The following RNF38 variants were observed in gnomAD, a reference collection of about 807,000 sequenced individuals.
The protein encoded by RNF38 is ring finger protein 38.
RNF38 carries 15 observed loss-of-function variants against 67.2 expected under a neutral mutation model. The ratio of observed to expected loss-of-function variants is 0.22; its 90% CI spans 0.15 to 0.34. RNF38 has a LOEUF of 0.34. RNF38 is among the 10% of genes least tolerant of loss of function. The probability of loss-of-function intolerance (pLI) is 1.00; values close to 1 mark genes in which losing one functional copy is unlikely to be tolerated. For synonymous variants in RNF38, 220 were observed against 218.8 expected, an observed-to-expected ratio of 1.01 and a Z score of -0.05; for missense variants, 524 against 639.9, an observed-to-expected ratio of 0.82 and a Z score of 1.95.
At chr9:36,380,869 G>A (rs1480701661) in intron 2 of RNF38, among the ~76,000 whole-genome samples, 1 of 152,162 alleles carries the variant, frequency 6.6e-6, no homozygotes, top group Non-Finnish European at 1.5e-5. Flanking sequence ...AGAAACTGAG[G>A]AAAACTGAAG....
At chr9:36,464,836 G>A (rs1025216059) in intron 1 of RNF38, among the ~76,000 whole-genome samples, 1 of 152,032 alleles carries the variant, frequency 6.6e-6, no homozygotes, top group African/African-American at 2.4e-5. Context: ...AATATATAAA[G>A]ATAACATAAA....
intron 1 of RNF38, among the ~76,000 whole-genome samples, chr9:36,437,336 A>AT (rs138980134): frequency 0.017 from 2,613 of 152,342 alleles, 23 homozygotes; most frequent in Non-Finnish European, 0.026. Context: ...GAGCCTAAAT[A>AT]TAAGTAAATC....
chr9:36,447,346 T>C (rs1021511295), intron 1 of RNF38, among the ~76,000 whole-genome samples: 4 of 152,162 alleles, frequency 2.6e-5, no homozygotes, highest in Non-Finnish European at 5.9e-5. Context: ...ATGACTTACA[T>C]GAATTGATTA....
At chr9:36,348,691 A>G (rs1381415745) in intron 9 of RNF38, among the ~76,000 whole-genome samples, 5 of 152,242 alleles carry the variant, frequency 3.3e-5, no homozygotes, top group Non-Finnish European at 7.3e-5. Context: ...CTGCAGAAGA[A>G]AAGTTGGAAG....
At chr9:36,484,723 T>G (rs1840361335) in intron 1 of RNF38, among the ~76,000 whole-genome samples, 1 of 152,200 alleles carries the variant, frequency 6.6e-6, no homozygotes, top group Admixed American at 6.5e-5. Flanking sequence ...TTTTTCATGT[T>G]TTCAGATTTT....
rs538721390 is a variant in RNF38, at chr9:36,399,959, AG to A, written c.12+137del. 3,076 of 764,592 alleles carry A rather than the reference AG, an allele frequency of 4.0e-3. 11 individuals carry two copies. Among genetic ancestry groups the A allele is most frequent in the Non-Finnish European group, 5.5e-3 (2,652 of 478,208 alleles). 47.4% of individuals were successfully genotyped at this position (764,592 alleles called of 1,614,324 possible). A position where few individuals can be genotyped will look rare whatever the true frequency, so the allele number is the denominator to read the frequency against. On this transcript the variant is annotated intron_variant, in intron 1 of 11. Coordinates refer to ENST00000259605, the MANE Select transcript of RNF38 (RefSeq NM_022781.5). ...TTTCATACGTTAAGTCCACCGCTTA[AG>A]AAAAAAGAAATGGCAATTCATATAA...
intron 10 of RNF38, among the ~76,000 whole-genome samples, chr9:36,343,145 A>T (rs1832969838): frequency 6.6e-6 from 1 of 151,862 alleles, no homozygotes; most frequent in Non-Finnish European, 1.5e-5. Flanking sequence ...TTCTATTTTT[A>T]TTTTTTCCTG....
rs115018621 is a variant in RNF38, at chr9:36,391,462, G to A, written c.13-846C>T. Among the ~76,000 whole-genome samples, 420 of 151,592 alleles carry A rather than the reference G, an allele frequency of 2.8e-3. 2 individuals are homozygous for A. The highest frequency in any genetic ancestry group is 8.8e-3 in the African/African-American group (365 of 41,300). On this transcript the variant is annotated intron_variant, in intron 1 of 11. Coordinates refer to ENST00000259605, the MANE Select transcript of RNF38 (RefSeq NM_022781.5). ...AATTCTTCTTGGGGGGTTAAGGCTC[G>A]TGGTCCCTTCTTGTACCTACACTAA...
intron 1 of RNF38, among the ~76,000 whole-genome samples, chr9:36,475,790 G>A (rs913600154): frequency 6.6e-6 from 1 of 151,192 alleles, no homozygotes; most frequent in Non-Finnish European, 1.5e-5. Flanking sequence ...GGCCGAGGCA[G>A]GCGGATCACA....
At chr9:36,403,706 TTAC>T (rs1311778942), upstream of RNF38, among the ~76,000 whole-genome samples, 1 of 152,214 alleles carries the variant, frequency 6.6e-6, no homozygotes, top group Non-Finnish European at 1.5e-5. Context: ...ATGAGATTGT[TTAC>T]TCTGGTGTTC....
At position 36,363,752 on chromosome 9, in the gene RNF38, C is replaced by T. The variant is rs1331272701; in HGVS notation, c.571-5810G>A. ...GTTATAGCCTATTGCCCCTAGGCTACAAACCTGTATAGCATGTTGCTGTTG... is the reference window on the plus strand; with the variant it reads ...GTTATAGCCTATTGCCCCTAGGCTATAAACCTGTATAGCATGTTGCTGTTG... On this transcript the variant is annotated intron_variant, in intron 4 of 11. Coordinates refer to ENST00000259605, the MANE Select transcript of RNF38 (RefSeq NM_022781.5). 4.0e-5 allele frequency among the ~76,000 whole-genome samples: 4 copies of T among 99,922 alleles called. 1 individual carries two copies. In the East Asian group the frequency reaches 1.0e-3, roughly 26 times the overall value. 65.6% of individuals were successfully genotyped at this position (99,922 alleles called of 152,430 possible). A position where few individuals can be genotyped will look rare whatever the true frequency, so the allele number is the denominator to read the frequency against.
chr9:36,427,702 TCTACCTAC>T (rs764172623), intron 1 of RNF38, among the ~76,000 whole-genome samples: 5 of 139,412 alleles, frequency 3.6e-5, no homozygotes, highest in African/African-American at 1.5e-4. Flanking sequence ...TATCTATCTA[TCTACCTAC>T]CTATCTATTA....
At chr9:36,454,438 C>T (rs1839535218) in intron 1 of RNF38, among the ~76,000 whole-genome samples, 1 of 151,846 alleles carries the variant, frequency 6.6e-6, no homozygotes, top group Admixed American at 6.6e-5. Flanking sequence ...CTCTATCATA[C>T]ATTTTTATAC....
chr9:36,416,263 T>TG, intron 2 of RNF38, among the ~76,000 whole-genome samples: 1 of 151,568 alleles, frequency 6.6e-6, no homozygotes, highest in African/African-American at 2.4e-5. Flanking sequence ...TTGTATTCCC[T>TG]GGGGGATTAT....
At chr9:36,451,027 G>A (rs781669118) in intron 1 of RNF38, among the ~76,000 whole-genome samples, 2 of 152,154 alleles carry the variant, frequency 1.3e-5, no homozygotes, top group Non-Finnish European at 2.9e-5. Context: ...ACTTAAATAC[G>A]ACTGAACCTC....
At chr9:36,442,935 G>C (rs7856743) in intron 1 of RNF38, among the ~76,000 whole-genome samples, 101,440 of 152,054 alleles carry the variant, frequency 0.67, 33,943 homozygotes, top group Non-Finnish European at 0.69. Flanking sequence ...CTGCCTAGTT[G>C]CTCACCCAAA....
intron 1 of RNF38, among the ~76,000 whole-genome samples, chr9:36,472,332 G>A (rs1046193291): frequency 2.0e-5 from 3 of 152,170 alleles, no homozygotes; most frequent in African/African-American, 4.8e-5. Flanking sequence ...AATTATGAAA[G>A]GCAGAGAATT....
In RNF38 at chr9:36,449,895, T is replaced by C. The variant is rs575419007; in HGVS notation, n.242-25212A>G. Among the ~76,000 whole-genome samples, 3 of 152,362 alleles carry C rather than the reference T, an allele frequency of 2.0e-5. No individual in the cohort carries two copies. In the South Asian group the frequency reaches 6.2e-4, roughly 32 times the overall value. ...TTTTTCATAGTTCTGCTATTTGATATAATTTTGGAAGCTCACTGATTTAAA... is the reference window on the plus strand; with the variant it reads ...TTTTTCATAGTTCTGCTATTTGATACAATTTTGGAAGCTCACTGATTTAAA... On this transcript the variant is annotated intron_variant and non_coding_transcript_variant, in intron 1 of 3. Transcript: ENST00000488058.
At chr9:36,377,983 GAAAGTTAGTTATGTTCTGATAATCCT>G (rs141170344) in intron 2 of RNF38, among the ~76,000 whole-genome samples, 2,620 of 151,674 alleles carry the variant, frequency 0.017, 78 homozygotes, top group African/African-American at 0.06. Flanking sequence ...ATTTTAGTGA[GAAAGTTAGTTATGTTCTGATAATCCT>G]AAAACTTAAA....
Sources: gnomAD v4.1 joint callset for allele counts (sites outside exome capture counted in the v4.1 genomes callset) on GRCh38, gnomAD v4.1.1 for gene constraint, MANE v1.5 for transcripts, NCBI Gene and HGNC (gene_info 2026-07-23, HGNC 2026-07-21) for gene names.